Variants in TCF12 observed in about 807,000 individuals in gnomAD.
TCF12 encodes the protein DNA-binding protein HTF4.
TCF12 carries 45 observed loss-of-function variants against 86.0 expected under a neutral mutation model. The ratio of observed to expected loss-of-function variants is 0.52; its 90% CI spans 0.41 to 0.67. The LOEUF (loss-of-function observed/expected upper bound fraction) is 0.67, where lower values mean the gene tolerates loss of function less well. TCF12 is among the 30% of genes least tolerant of loss of function. TCF12 has a pLI of 0.00. For synonymous variants in TCF12, 330 were observed against 299.6 expected, an observed-to-expected ratio of 1.10 and a Z score of -1.05; for missense variants, 881 against 859.9, an observed-to-expected ratio of 1.02 and a Z score of -0.31.
intron 5 of TCF12, among the ~76,000 whole-genome samples, chr15:57,152,766 T>C (rs2053853633): frequency 6.6e-6 from 1 of 151,964 alleles, no homozygotes; most frequent in Non-Finnish European, 1.5e-5. Flanking sequence ...AGAAGAAATA[T>C]TTGAAGAGAT....
chr15:57,182,436 A>G (rs141110134), intron 6 of TCF12, among the ~76,000 whole-genome samples: 1 of 152,220 alleles, frequency 6.6e-6, no homozygotes, highest in East Asian at 1.9e-4. Context: ...CCTTGTGGAC[A>G]AAATTTTGTC....
chr15:56,966,008 C>T (rs1416384571), intron 3 of TCF12, among the ~76,000 whole-genome samples: 1 of 151,962 alleles, frequency 6.6e-6, no homozygotes, highest in African/African-American at 2.4e-5. Flanking sequence ...TACAGGGATA[C>T]AGTCATGAAT....
chr15:57,159,868 C>G (rs1428023135), intron 5 of TCF12, among the ~76,000 whole-genome samples: 3 of 152,264 alleles, frequency 2.0e-5, no homozygotes, highest in Middle Eastern at 3.4e-3. Context: ...GTTGTGAAGG[C>G]AACAATTGTT....
chr15:57,018,570 C>G (rs556295401), intron 3 of TCF12, among the ~76,000 whole-genome samples: 1 of 152,044 alleles, frequency 6.6e-6, no homozygotes, highest in African/African-American at 2.4e-5. Flanking sequence ...TCAAGCCAGC[C>G]TCTCACCTCA....
chr15:56,969,697 C>G (rs1260900295), intron 3 of TCF12, among the ~76,000 whole-genome samples: 1 of 152,088 alleles, frequency 6.6e-6, no homozygotes, highest in Non-Finnish European at 1.5e-5. Flanking sequence ...ACCACTGCAC[C>G]TCGCCCATTT....
At position 56,918,645 on chromosome 15, in the gene TCF12, A is replaced by G. The variant is rs1217085497; in HGVS notation, c.-284A>G. On this transcript the variant is annotated 5_prime_UTR_variant, in exon 1 of 21. Transcript: ENST00000333725. Reference sequence around the variant, plus strand: ...CCCGGCGCGGAGGGATCCGGAGGCGAGCCGAGCGCGGTGGTGAGGCCGCCT... The same window carrying G: ...CCCGGCGCGGAGGGATCCGGAGGCGGGCCGAGCGCGGTGGTGAGGCCGCCT... 5.1e-6 allele frequency: 1 copy of G among 194,222 alleles called. No homozygotes were observed. Among genetic ancestry groups the G allele is most frequent in the Non-Finnish European group, 1.1e-5 (1 of 92,494 alleles). 12.0% of individuals were successfully genotyped at this position (194,222 alleles called of 1,614,324 possible). A position where few individuals can be genotyped will look rare whatever the true frequency, so the allele number is the denominator to read the frequency against.
chr15:57,220,841 A>C (rs1446516305), intron 8 of TCF12, among the ~76,000 whole-genome samples: 1 of 152,160 alleles, frequency 6.6e-6, no homozygotes, highest in Non-Finnish European at 1.5e-5. Flanking sequence ...ATCTTTCACA[A>C]ATAATTTTAC....
intron 5 of TCF12, among the ~76,000 whole-genome samples, chr15:57,114,864 G>A (rs2050735513): frequency 6.6e-6 from 1 of 151,862 alleles, no homozygotes. Flanking sequence ...AATATATATT[G>A]AATACGTGAA....
chr15:57,008,149 G>A (rs1353658935), intron 3 of TCF12, among the ~76,000 whole-genome samples: 1 of 144,684 alleles, frequency 6.9e-6, no homozygotes, highest in Non-Finnish European at 1.5e-5. Context: ...TTTTTTCCCT[G>A]TAGAGATGAG....
intron 8 of TCF12, among the ~76,000 whole-genome samples, chr15:57,225,220 CTTTTTTTT>C (rs139530756): frequency 1.8e-4 from 7 of 39,762 alleles, no homozygotes; most frequent in Admixed American, 9.6e-4. Context: ...CTGATATATG[CTTTTTTTT>C]TTTTTTTTTT....
At chr15:57,006,450 G>A (rs1019296588) in intron 3 of TCF12, among the ~76,000 whole-genome samples, 2 of 151,852 alleles carry the variant, frequency 1.3e-5, no homozygotes, top group Admixed American at 6.6e-5. Context: ...GATTACAGGC[G>A]CCTGCCACCA....
intron 3 of TCF12, among the ~76,000 whole-genome samples, chr15:57,015,711 G>C (rs1199655891): frequency 3.4e-5 from 5 of 148,540 alleles, no homozygotes; most frequent in Admixed American, 6.7e-5. Flanking sequence ...CAAGGACTTA[G>C]AGACTCAGTT....
At chr15:57,059,399 C>G (rs951705717) in intron 3 of TCF12, among the ~76,000 whole-genome samples, 1 of 152,144 alleles carries the variant, frequency 6.6e-6, no homozygotes. Context: ...CTAACCATTT[C>G]TCTCATTCTT....
chr15:56,929,448 C>T (rs1359493957), intron 3 of TCF12, among the ~76,000 whole-genome samples: 1 of 152,072 alleles, frequency 6.6e-6, no homozygotes, highest in Non-Finnish European at 1.5e-5. Context: ...ATACCCTTGA[C>T]TTGAAAAGAA....
chr15:57,079,078 A>T (rs867102775), intron 4 of TCF12, among the ~76,000 whole-genome samples: 3 of 152,246 alleles, frequency 2.0e-5, no homozygotes, highest in Non-Finnish European at 4.4e-5. Context: ...GTGCAAATAC[A>T]GTAAAGCAGT....
chr15:57,266,992 G>A (rs1266626329), intron 18 of TCF12, among the ~76,000 whole-genome samples: 1 of 152,156 alleles, frequency 6.6e-6, no homozygotes, highest in African/African-American at 2.4e-5. Flanking sequence ...TCATGCCACT[G>A]CATTCTAGCC....
intron 6 of TCF12, among the ~76,000 whole-genome samples, chr15:57,185,601 A>C (rs1216877499): frequency 6.6e-6 from 1 of 152,194 alleles, no homozygotes; most frequent in African/African-American, 2.4e-5. Context: ...TTGGTTCTTT[A>C]AAAATATCAA....
At chr15:57,107,034 C>A (rs1400730194) in intron 5 of TCF12, among the ~76,000 whole-genome samples, 1 of 152,220 alleles carries the variant, frequency 6.6e-6, no homozygotes, top group Non-Finnish European at 1.5e-5. Flanking sequence ...AAAACATGCT[C>A]TTACCATGCA....
Position 57,010,582 on chromosome 15 carries a change from T to C in TCF12, c.149-53168T>C, listed in dbSNP as rs187529200. ...CTCTTAGGTGGTCAGAGCTGATCTC[T>C]TTTGTAGGAGGTACTTTTTTATGAA... On this transcript the variant is annotated intron_variant, in intron 3 of 20. Coordinates refer to ENST00000333725, the MANE Select transcript of TCF12 (RefSeq NM_207037.2). 7.9e-5 allele frequency among the ~76,000 whole-genome samples: 12 copies of C among 152,294 alleles called. No individual in the cohort carries two copies. In the East Asian group the frequency reaches 2.3e-3, roughly 29 times the overall value.
Sources: allele counts gnomAD v4.1 joint callset (sites outside exome capture counted in the v4.1 genomes callset), GRCh38; gene constraint gnomAD v4.1.1; transcripts MANE v1.5; gene names NCBI Gene and HGNC (gene_info 2026-07-23, HGNC 2026-07-21).